TXNRD1: variants seen among roughly 807,000 people sequenced by gnomAD.
The protein encoded by TXNRD1 is thioredoxin reductase 1, also known as thioredoxin reductase 1, cytoplasmic.
Under a neutral mutation model 80.3 loss-of-function variants are expected in TXNRD1, and 57 were observed. The ratio of observed to expected loss-of-function variants is 0.71; its 90% CI spans 0.57 to 0.89. The LOEUF (loss-of-function observed/expected upper bound fraction) is 0.89, where lower values mean the gene tolerates loss of function less well. Ranked by LOEUF, TXNRD1 falls within the 40% of genes least tolerant of loss-of-function variation. The probability of loss-of-function intolerance (pLI) is 0.00; values close to 1 mark genes in which losing one functional copy is unlikely to be tolerated. For missense variants in TXNRD1, 730 were observed against 803.0 expected (o/e 0.91, Z 1.10); for synonymous variants, 291 against 285.2 (o/e 1.02, Z -0.20).
intron 4 of TXNRD1, among the ~76,000 whole-genome samples, chr12:104,289,881 C>T (rs1487313734): frequency 6.6e-6 from 1 of 152,076 alleles, no homozygotes; most frequent in Non-Finnish European, 1.5e-5. Flanking sequence ...TACAGGTGCC[C>T]GCCACTACAC....
At position 104,318,816 on chromosome 12, in the gene TXNRD1, G is replaced by GCT. The variant is rs774148277; in HGVS notation, c.731-94_731-93dup. 3.1e-4 allele frequency: 421 copies of GCT among 1,368,318 alleles called. 2 individuals carry two copies. Among genetic ancestry groups the GCT allele is most frequent in the Non-Finnish European group, 3.9e-4 (390 of 1,005,006 alleles). The allele number at this position is 1,368,318 out of a possible 1,614,324, so 84.8% of individuals were successfully genotyped here. A position where few individuals can be genotyped will look rare whatever the true frequency, so the allele number is the denominator to read the frequency against. On this transcript the variant is annotated intron_variant, in intron 7 of 16. Coordinates refer to ENST00000525566, the MANE Select transcript of TXNRD1 (RefSeq NM_001093771.3). ...TTGCCCTTTCAGATTGCCTTTTAGA[G>GCT]CTCTGCTCCCTGTATTTCACTTGAG...
At position 104,251,561 on chromosome 12, in the gene TXNRD1, G is replaced by T. The variant is rs773611266; in HGVS notation, c.126G>T (p.Glu42Asp). 1.2e-5 allele frequency: 19 copies of T among 1,613,912 alleles called. No individual in the cohort carries two copies. Among genetic ancestry groups the T allele is most frequent in the Non-Finnish European group, 1.6e-5 (19 of 1,179,870 alleles). The change falls in exon 2 of 17, where the codon GAG (glutamate) becomes GAT (aspartate). Residue 42 changes from glutamate (E) to aspartate (D), a missense_variant. Glu to Asp is a conservative substitution (Grantham distance 45). Transcript: ENST00000525566. ...KDHHPGKTLP[E>D]NPAGFTSTAT... ...ATCACCCTGGTAAAACTTTGCCAGA[G>T]AACCCAGCAGGATTCACCAGCACGG...
chr12:104,309,734 T>C, intron 4 of TXNRD1: 1 of 1,491,266 alleles, frequency 6.7e-7, no homozygotes, highest in East Asian at 2.5e-5. Context: ...ATGGCTATTA[T>C]TACCAAATTG....
intron 2 of TXNRD1, among the ~76,000 whole-genome samples, chr12:104,255,005 A>G (rs569818492): frequency 1.6e-4 from 25 of 152,108 alleles, no homozygotes; most frequent in African/African-American, 5.5e-4. Flanking sequence ...CTCAGGAGGC[A>G]CAGGCATGAG....
intron 4 of TXNRD1, among the ~76,000 whole-genome samples, chr12:104,293,442 T>C (rs1209068600): frequency 1.3e-5 from 2 of 152,180 alleles, no homozygotes; most frequent in African/African-American, 4.8e-5. Context: ...GGGGGGTAGA[T>C]GCTGAGACAA....
chr12:104,288,650 A>T, intron 3 of TXNRD1: 1 of 840,424 alleles, frequency 1.2e-6, no homozygotes, highest in Non-Finnish European at 1.7e-6. Flanking sequence ...TTAGCGGAGT[A>T]GTGCAATGAT....
At chr12:104,268,824 G>C (rs879385902) in intron 3 of TXNRD1, among the ~76,000 whole-genome samples, 3 of 151,328 alleles carry the variant, frequency 2.0e-5, no homozygotes, top group Non-Finnish European at 4.4e-5. Flanking sequence ...GCGTACAGTA[G>C]AGCTTCTTTC....
chr12:104,338,063 T>C (rs1186751510), intron 15 of TXNRD1, among the ~76,000 whole-genome samples: 1 of 151,064 alleles, frequency 6.6e-6, no homozygotes, highest in Admixed American at 6.6e-5. Flanking sequence ...CCCAAAGTGC[T>C]GGGATTACAG....
chr12:104,315,827 C>G lies in TXNRD1; in HGVS notation c.661C>G (p.His221Asp). ...NVGCIPKKLMHQAALLGQALQ... is the reference protein window; with the variant it reads ...NVGCIPKKLMDQAALLGQALQ... ...GGGTTGCATACCTAAAAAACTGATG[C>G]ATCAAGCAGCTTTGTTAGGACAAGC... Residue 221 changes from histidine (H) to aspartate (D), a missense_variant, in exon 7 of 17, where the codon CAT becomes GAT. By Grantham distance (81) the His-to-Asp change is moderately conservative. Coordinates refer to ENST00000525566, the MANE Select transcript of TXNRD1 (RefSeq NM_001093771.3). 3 of 1,612,350 alleles carry G rather than the reference C, an allele frequency of 1.9e-6. No individual in the cohort carries two copies. Among genetic ancestry groups the G allele is most frequent in the Non-Finnish European group, 2.5e-6 (3 of 1,178,900 alleles).
intron 1 of TXNRD1, among the ~76,000 whole-genome samples, chr12:104,249,933 C>T (rs1242535349): frequency 7.2e-5 from 3 of 41,558 alleles, no homozygotes; most frequent in Non-Finnish European, 1.2e-4. Context: ...GAGACGCCGT[C>T]TCAAAAAAAA....
In TXNRD1 at chr12:104,339,260, C is replaced by G; in HGVS notation, c.1868C>G (p.Pro623Arg). The G allele has an allele frequency of 6.2e-7, 1 of 1,613,736 alleles. No homozygotes were observed. Among genetic ancestry groups the G allele is most frequent in the Non-Finnish European group, 8.5e-7 (1 of 1,179,796 alleles). Residue 623 changes from proline (P) to arginine (R), a missense_variant, in exon 16 of 17, where the codon CCT becomes CGT. Coordinates refer to ENST00000525566, the MANE Select transcript of TXNRD1 (RefSeq NM_001093771.3). Reference sequence around the variant, plus strand: ...CTGGACAGCACAATTGGAATCCACCCTGTCTGTGCAGAGGTGGGTCATCTA... The same window carrying G: ...CTGGACAGCACAATTGGAATCCACCGTGTCTGTGCAGAGGTGGGTCATCTA... ...KQLDSTIGIH[P>R]VCAEVFTTLS... is the part of the protein sequence containing the mutation.
chr12:104,227,025 A>G (rs1380805581), intron 1 of TXNRD1, among the ~76,000 whole-genome samples: 4 of 152,166 alleles, frequency 2.6e-5, no homozygotes, highest in African/African-American at 9.7e-5. Flanking sequence ...TGTCAATTAT[A>G]TTTGGAAAAG....
intron 1 of TXNRD1, among the ~76,000 whole-genome samples, chr12:104,230,975 C>T (rs1311686766): frequency 6.6e-6 from 1 of 151,992 alleles, no homozygotes; most frequent in African/African-American, 2.4e-5. Flanking sequence ...AGGCACATGT[C>T]GGGGCAAGGG....
intron 13 of TXNRD1, among the ~76,000 whole-genome samples, chr12:104,329,446 G>T (rs752736271): frequency 6.6e-6 from 1 of 151,858 alleles, no homozygotes. Flanking sequence ...CCAGGAATTC[G>T]AAACCAGCCT....
At chr12:104,250,813 C>T (rs988498737) in intron 1 of TXNRD1, among the ~76,000 whole-genome samples, 1 of 151,828 alleles carries the variant, frequency 6.6e-6, no homozygotes, top group Non-Finnish European at 1.5e-5. Context: ...TATTCATGGG[C>T]CCTGAAGAAG....
chr12:104,235,845 G>A (rs1222530685), intron 1 of TXNRD1, among the ~76,000 whole-genome samples: 2 of 152,112 alleles, frequency 1.3e-5, no homozygotes, highest in East Asian at 3.8e-4. Flanking sequence ...TAGCCACGTG[G>A]CAATACTTTA....
intron 1 of TXNRD1, among the ~76,000 whole-genome samples, chr12:104,224,535 G>C (rs1459223286): frequency 6.6e-6 from 1 of 151,918 alleles, no homozygotes; most frequent in East Asian, 1.9e-4. Flanking sequence ...ATTACAGGTG[G>C]CCACCACACC....
At chr12:104,282,438 C>T (rs1476825777) in intron 3 of TXNRD1, among the ~76,000 whole-genome samples, 1 of 152,204 alleles carries the variant, frequency 6.6e-6, no homozygotes, top group African/African-American at 2.4e-5. Context: ...ATTTTATGAT[C>T]AGCTTTCACA....
chr12:104,306,151 G>T (rs537508878), intron 4 of TXNRD1, among the ~76,000 whole-genome samples: 3 of 152,102 alleles, frequency 2.0e-5, no homozygotes, highest in East Asian at 1.9e-4. Context: ...TGATCCACCC[G>T]CCTCGGCCTC....
Sources: gnomAD v4.1 joint callset for allele counts (sites outside exome capture counted in the v4.1 genomes callset) on GRCh38, gnomAD v4.1.1 for gene constraint, MANE v1.5 for transcripts, NCBI Gene and HGNC (gene_info 2026-07-23, HGNC 2026-07-21) for gene names.